The following ZNHIT6 variants were observed in gnomAD, a reference collection of about 807,000 sequenced individuals.
The protein encoded by ZNHIT6 is box C/D snoRNA protein 1.
ZNHIT6 carries 45 observed loss-of-function variants against 57.2 expected under a neutral mutation model. The ratio of observed to expected loss-of-function variants is 0.79; its 90% CI spans 0.62 to 1.01. The LOEUF is 1.01. Ranked by LOEUF, ZNHIT6 falls within the 50% of genes least tolerant of loss-of-function variation. The pLI, the probability that ZNHIT6 is intolerant of heterozygous loss-of-function variation, is 0.00. For synonymous variants in ZNHIT6, 188 were observed against 190.0 expected, an observed-to-expected ratio of 0.99 and a Z score of 0.09; for missense variants, 528 against 567.3, an observed-to-expected ratio of 0.93 and a Z score of 0.70.
At chr1:85,686,955 T>C (rs1662058039) in intron 5 of ZNHIT6, among the ~76,000 whole-genome samples, 2 of 151,970 alleles carry the variant, frequency 1.3e-5, no homozygotes, top group South Asian at 4.2e-4. Context: ...TCTATCACAA[T>C]TAAATGAATA....
At chr1:85,676,251 G>A (rs989839976) in intron 8 of ZNHIT6, among the ~76,000 whole-genome samples, 2 of 150,588 alleles carry the variant, frequency 1.3e-5, no homozygotes, top group East Asian at 2.0e-4. Flanking sequence ...CAGAAGAATC[G>A]CTTGAACCTG....
chr1:85,708,127 C>A lies in ZNHIT6; in HGVS notation c.158G>T (p.Gly53Val). ...CTCTCCATCCCCTATCTCCTTTATC[C>A]CTGTCAGCCCTGTCCCCTCCTCTCC... ...GGGEEGTGLTGIKEIGDGEEG... is the reference protein window; with the variant it reads ...GGGEEGTGLTVIKEIGDGEEG... The change falls in exon 1 of 10, where the codon GGG becomes GTG. Residue 53 changes from glycine (G) to valine (V), a missense_variant. Coordinates refer to ENST00000370574, the MANE Select transcript of ZNHIT6 (RefSeq NM_017953.4). 6.2e-7 allele frequency: 1 copy of A among 1,614,136 alleles called. No individual in the cohort carries two copies. The highest frequency in any genetic ancestry group is 8.5e-7 in the Non-Finnish European group (1 of 1,180,044).
intron 8 of ZNHIT6, among the ~76,000 whole-genome samples, chr1:85,662,836 T>C (rs999196091): frequency 6.6e-6 from 1 of 152,194 alleles, no homozygotes; most frequent in Non-Finnish European, 1.5e-5. Context: ...AGTTCAGAAC[T>C]GCATTTGGTA....
chr1:85,677,294 A>G lies in ZNHIT6; in HGVS notation c.1189T>C (p.Ser397Pro). 6.2e-7 allele frequency: 1 copy of G among 1,607,748 alleles called. No homozygotes were observed. Among genetic ancestry groups the G allele is most frequent in the Non-Finnish European group, 8.5e-7 (1 of 1,178,222 alleles). The part of the protein sequence containing the change: ...IRQRLKAYIR[S>P]QTGVQILMKI... ...ATTAAAATCTGAACCCCAGTCTGAGAGCGAATGTAGGCTTTCAACCTGAAA... is the reference window on the plus strand; with the variant it reads ...ATTAAAATCTGAACCCCAGTCTGAGGGCGAATGTAGGCTTTCAACCTGAAA... Residue 397 changes from serine (S) to proline (P), a missense_variant, in exon 8 of 10, where the codon TCT (serine) becomes CCT (proline). By Grantham distance (74) the Ser-to-Pro change is moderately conservative (BLOSUM62 -1). Coordinates refer to ENST00000370574, the MANE Select transcript of ZNHIT6 (RefSeq NM_017953.4).
chr1:85,657,955 G>T lies in ZNHIT6; in HGVS notation c.1264C>A (p.Pro422Thr). ...AAATTGTCTAGGAGACTTTTATAAGGATCTAGTTCATAATATCTTATTAAT... is the reference window on the plus strand; with the variant it reads ...AAATTGTCTAGGAGACTTTTATAAGTATCTAGTTCATAATATCTTATTAAT... ...QNLVRYYELD[P>T]YKSLLDNLRN... The change falls in exon 9 of 10, where the codon CCT (proline) becomes ACT (threonine). Residue 422 changes from proline (P) to threonine (T), a missense_variant. By Grantham distance (38) the Pro-to-Thr change is conservative. Transcript: ENST00000370574. 6.6e-7 allele frequency: 1 copy of T among 1,519,306 alleles called. No individual in the cohort carries two copies. Among genetic ancestry groups the T allele is most frequent in the South Asian group, 1.2e-5 (1 of 80,388 alleles). 94.1% of individuals were successfully genotyped at this position (1,519,306 alleles called of 1,614,324 possible). A position where few individuals can be genotyped will look rare whatever the true frequency, so the allele number is the denominator to read the frequency against.
At chr1:85,657,779 G>T in intron 9 of ZNHIT6, 68 bp downstream of exon 9, 1 of 1,432,420 alleles carries the variant, frequency 7.0e-7, no homozygotes, top group Non-Finnish European at 9.6e-7. Context: ...AAGAAATAAG[G>T]GTGGACATAT....
Position 85,707,109 on chromosome 1 carries a change from C to G in ZNHIT6, c.656+520G>C, listed in dbSNP as rs544514939. On this transcript the variant is annotated intron_variant, in intron 1 of 9. Coordinates refer to ENST00000370574, the MANE Select transcript of ZNHIT6 (RefSeq NM_017953.4). The stretch of plus-strand genomic sequence containing the variant: ...CCACTGTGTTCTAGACGGGAATATT[C>G]TCAAGAATCTGACTACTCTTATTTC... Among the ~76,000 whole-genome samples, 4 of 152,304 alleles carry G rather than the reference C, an allele frequency of 2.6e-5. No homozygotes were observed. The South Asian group carries it at 8.3e-4, about 32-fold the overall frequency.
intron 5 of ZNHIT6, among the ~76,000 whole-genome samples, chr1:85,684,872 A>G (rs188185139): frequency 3.9e-5 from 6 of 152,340 alleles, no homozygotes; most frequent in African/African-American, 1.4e-4. Flanking sequence ...TACTACCACA[A>G]TCCCAAGGAA....
At chr1:85,671,189 T>C (rs1402707395) in intron 8 of ZNHIT6, among the ~76,000 whole-genome samples, 2 of 152,210 alleles carry the variant, frequency 1.3e-5, no homozygotes, top group Non-Finnish European at 2.9e-5. Context: ...TATCCAATTA[T>C]GTCAAAAGAA....
intron 8 of ZNHIT6, among the ~76,000 whole-genome samples, chr1:85,676,393 G>A (rs1239406167): frequency 2.0e-5 from 3 of 151,902 alleles, no homozygotes; most frequent in African/African-American, 4.8e-5. Context: ...GTGTTCACTG[G>A]AGTAGCACTT....
intron 5 of ZNHIT6, among the ~76,000 whole-genome samples, chr1:85,681,263 C>T (rs1326841191): frequency 3.9e-5 from 6 of 152,144 alleles, no homozygotes; most frequent in Non-Finnish European, 8.8e-5. Flanking sequence ...GAAGTATTGT[C>T]CGGTTGAGTC....
At position 85,678,866 on chromosome 1, in the gene ZNHIT6, T is replaced by C. The variant is rs567977933; in HGVS notation, c.1089-85A>G. 67 of 727,548 alleles carry C rather than the reference T, an allele frequency of 9.2e-5. No homozygotes were observed. In the African/African-American group the frequency reaches 1.2e-3, roughly 13 times the overall value. 45.1% of individuals were successfully genotyped at this position (727,548 alleles called of 1,614,324 possible). A position where few individuals can be genotyped will look rare whatever the true frequency, so the allele number is the denominator to read the frequency against. ...GTTAATTTTGAATTATTAAATATTGTGGCTTTTTTGGTTTAAATAACTGAA... is the reference window on the plus strand; with the variant it reads ...GTTAATTTTGAATTATTAAATATTGCGGCTTTTTTGGTTTAAATAACTGAA... On this transcript the variant is annotated intron_variant, in intron 6 of 9. Coordinates refer to ENST00000370574, the MANE Select transcript of ZNHIT6 (RefSeq NM_017953.4).
intron 8 of ZNHIT6, among the ~76,000 whole-genome samples, chr1:85,661,217 T>C (rs17399027): frequency 0.057 from 8,618 of 152,296 alleles, 355 homozygotes; most frequent in Middle Eastern, 0.1. Flanking sequence ...CAATAACTTT[T>C]ACTGGTTGTT....
intron 5 of ZNHIT6, among the ~76,000 whole-genome samples, chr1:85,698,076 A>G (rs1662427798): frequency 1.3e-5 from 2 of 152,202 alleles, no homozygotes; most frequent in South Asian, 4.1e-4. Context: ...TATTTTTAAC[A>G]GAGAATGTCA....
rs747443199 is a variant in ZNHIT6, at chr1:85,650,730, T to C, written c.*3328A>G. The C allele has an allele frequency of 6.6e-6, 1 of 152,172 alleles. No individual in the cohort carries two copies. The highest frequency in any genetic ancestry group is 1.5e-5 in the Non-Finnish European group (1 of 68,094). The allele number at this position is 152,172 out of a possible 1,614,324, so 9.4% of individuals were successfully genotyped here. Reference sequence around the variant, plus strand: ...AGTAGGTATGTGCAAAGAGATCACATGGGAAGGCAGGAGGCAAAAAGGAGA... The same window carrying C: ...AGTAGGTATGTGCAAAGAGATCACACGGGAAGGCAGGAGGCAAAAAGGAGA... On this transcript the variant is annotated 3_prime_UTR_variant, in exon 10 of 10. Coordinates refer to ENST00000370574, the MANE Select transcript of ZNHIT6 (RefSeq NM_017953.4).
intron 5 of ZNHIT6, among the ~76,000 whole-genome samples, chr1:85,692,913 G>GAC (rs1461311479): frequency 6.6e-6 from 1 of 152,102 alleles, no homozygotes; most frequent in Admixed American, 6.6e-5. Context: ...TTACAAGAGG[G>GAC]ACACCTAGTG....
At chr1:85,657,778 G>T in intron 9 of ZNHIT6, 69 bp downstream of exon 9, 2 of 1,428,160 alleles carry the variant, frequency 1.4e-6, no homozygotes, top group Non-Finnish European at 1.9e-6. Flanking sequence ...AAAGAAATAA[G>T]GGTGGACATA....
At chr1:85,698,352 G>A (rs1270270454) in intron 5 of ZNHIT6, among the ~76,000 whole-genome samples, 1 of 152,070 alleles carries the variant, frequency 6.6e-6, no homozygotes, top group Non-Finnish European at 1.5e-5. Flanking sequence ...AAGGGTGTCT[G>A]GATTAGAATG....
intron 5 of ZNHIT6, among the ~76,000 whole-genome samples, chr1:85,699,830 C>T (rs945585755): frequency 6.6e-6 from 1 of 151,834 alleles, no homozygotes; most frequent in Non-Finnish European, 1.5e-5. Flanking sequence ...TCATGAATAT[C>T]GGAATAATTA....
Sources: allele counts gnomAD v4.1 joint callset (sites outside exome capture counted in the v4.1 genomes callset), GRCh38; gene constraint gnomAD v4.1.1; transcripts MANE v1.5; gene names NCBI Gene and HGNC (gene_info 2026-07-23, HGNC 2026-07-21).